HDAC4: variants seen among roughly 807,000 people sequenced by gnomAD.
HDAC4 encodes histone deacetylase 4.
Under a neutral mutation model 135.1 loss-of-function variants are expected in HDAC4, and 16 were observed. That is an observed-to-expected ratio of 0.12 (90% CI 0.08 to 0.18). The LOEUF (loss-of-function observed/expected upper bound fraction) is 0.18. Ranked by LOEUF, HDAC4 falls within the 10% of genes least tolerant of loss-of-function variation. HDAC4 has a pLI of 1.00. For synonymous variants in HDAC4, 685 were observed against 653.4 expected (o/e 1.05, Z -0.74); for missense variants, 1,143 against 1,511.8 (o/e 0.76, Z 4.05).
At chr2:239,207,006 G>A (rs1323346315) in intron 3 of HDAC4, among the ~76,000 whole-genome samples, 4 of 152,150 alleles carry the variant, frequency 2.6e-5, no homozygotes, top group Non-Finnish European at 5.9e-5. Context: ...GGATGGGAGG[G>A]AGGCCTAAAC....
chr2:239,254,169 G>A (rs1160250897), intron 2 of HDAC4, among the ~76,000 whole-genome samples: 1 of 152,080 alleles, frequency 6.6e-6, no homozygotes, highest in African/African-American at 2.4e-5. Flanking sequence ...GTAGCCCCAG[G>A]AAGACAAAGA....
In HDAC4 at chr2:239,240,839, A is replaced by G. The variant is rs2048136930; in HGVS notation, c.23-4175T>C. Reference sequence around the variant, plus strand: ...CGACAGGACCCAGCCTGAACTGAGCATTGTTTGAGACTCGGAGTCCGCCCA... The same window carrying G: ...CGACAGGACCCAGCCTGAACTGAGCGTTGTTTGAGACTCGGAGTCCGCCCA... On this transcript the variant is annotated intron_variant, in intron 2 of 26. Coordinates refer to ENST00000543185, the MANE Select transcript of HDAC4 (RefSeq NM_001378414.1). The surrounding 1 kb of genome is among the most constrained non-coding windows in gnomAD (Gnocchi z 4.5). Among the ~76,000 whole-genome samples the G allele has an allele frequency of 6.6e-6, 1 of 152,206 alleles. No homozygotes were observed. Among genetic ancestry groups the G allele is most frequent in the African/African-American group, 2.4e-5 (1 of 41,448 alleles).
chr2:239,320,382 C>CAAA (rs11343522), intron 2 of HDAC4, among the ~76,000 whole-genome samples: 2 of 61,268 alleles, frequency 3.3e-5, no homozygotes, highest in African/African-American at 1.4e-4. Context: ...GACTTCATCT[C>CAAA]AAAAAAAAAA....
chr2:239,068,405 T>C lies in HDAC4; in HGVS notation c.2869+84A>G, dbSNP rs2033801083. 1.0e-6 allele frequency: 1 copy of C among 1,002,784 alleles called. No individual in the cohort carries two copies. 62.1% of individuals were successfully genotyped at this position (1,002,784 alleles called of 1,614,324 possible). A position where few individuals can be genotyped will look rare whatever the true frequency, so the allele number is the denominator to read the frequency against. On this transcript the variant is annotated intron_variant, in intron 23 of 26. Transcript: ENST00000543185. This position sits in a 1 kb window ranked among gnomAD's most constrained non-coding sequence, Gnocchi z 4.4. ...AAGGTGCCCTTCCTTATCTCGTTAT[T>C]AAAAAGGGGACCTGACACGCGGAAC...
At chr2:239,194,120 G>C (rs1186976995) in intron 3 of HDAC4, among the ~76,000 whole-genome samples, 1 of 152,194 alleles carries the variant, frequency 6.6e-6, no homozygotes, top group Non-Finnish European at 1.5e-5. Flanking sequence ...TCATCATTGA[G>C]CGTGGAGGAG....
chr2:239,264,795 G>T (rs1559302036), intron 2 of HDAC4, among the ~76,000 whole-genome samples: 1 of 152,206 alleles, frequency 6.6e-6, no homozygotes, highest in South Asian at 2.1e-4. Context: ...CACTGTGCAG[G>T]GGGGACACCT....
At position 239,103,379 on chromosome 2, in the gene HDAC4, A is replaced by G. The variant is rs573832901; in HGVS notation, c.2113-483T>C. Reference sequence around the variant, plus strand: ...GGTCTGGCATCTGTCCTGGATGGCTAGCTGGCATCCGGCTGCGTCTCTCTG... The same window carrying G: ...GGTCTGGCATCTGTCCTGGATGGCTGGCTGGCATCCGGCTGCGTCTCTCTG... On this transcript the variant is annotated intron_variant, in intron 15 of 26. Coordinates refer to ENST00000543185, the MANE Select transcript of HDAC4 (RefSeq NM_001378414.1). 2.0e-5 allele frequency among the ~76,000 whole-genome samples: 3 copies of G among 152,308 alleles called. No homozygotes were observed. In the East Asian group the frequency reaches 5.8e-4, roughly 29 times the overall value.
At chr2:239,191,948 A>G (rs2044990665) in intron 3 of HDAC4, among the ~76,000 whole-genome samples, 1 of 152,186 alleles carries the variant, frequency 6.6e-6, no homozygotes, top group South Asian at 2.1e-4. Context: ...CCTCGTTGTT[A>G]TTGTTGTTTT....
intron 3 of HDAC4, among the ~76,000 whole-genome samples, chr2:239,211,883 C>T (rs529026612): frequency 2.9e-4 from 44 of 152,286 alleles, no homozygotes; most frequent in African/African-American, 8.4e-4. Context: ...AGTGGCACCA[C>T]GCGCCACCGA....
At chr2:239,089,449 TCCCAAGTAGCTGGG>T (rs2036289734) in intron 18 of HDAC4, among the ~76,000 whole-genome samples, 1 of 152,186 alleles carries the variant, frequency 6.6e-6, no homozygotes, top group East Asian at 1.9e-4. Context: ...AGCCTCAGCC[TCCCAAGTAGCTGGG>T]ATTATAGGCA....
chr2:239,377,925 C>A (rs11680658), intron 1 of HDAC4, among the ~76,000 whole-genome samples: 53,632 of 151,918 alleles, frequency 0.35, 10,970 homozygotes, highest in East Asian at 0.73. Flanking sequence ...TGGTTTTACA[C>A]CCACCTCAAG....
chr2:239,094,978 G>A (rs1284074576), intron 17 of HDAC4, 32 bp downstream of exon 17: 6 of 1,613,754 alleles, frequency 3.7e-6, no homozygotes, highest in East Asian at 2.2e-5. Context: ...AGAAGAAACA[G>A]GACATTATTT....
At chr2:239,164,008 G>A in intron 5 of HDAC4, 85 bp from the exon 6 acceptor site, 1 of 1,541,576 alleles carries the variant, frequency 6.5e-7, no homozygotes, top group Non-Finnish European at 8.9e-7. Flanking sequence ...ACAGAGGGAG[G>A]GAAGGGCTGG....
chr2:239,069,948 C>T (rs1012673168), intron 22 of HDAC4, among the ~76,000 whole-genome samples: 2 of 152,204 alleles, frequency 1.3e-5, no homozygotes, highest in African/African-American at 4.8e-5. Context: ...GCTCCCTGTC[C>T]CACTAACACC....
chr2:239,354,336 G>A (rs1017928050), intron 1 of HDAC4, among the ~76,000 whole-genome samples: 2 of 151,930 alleles, frequency 1.3e-5, no homozygotes, highest in African/African-American at 2.4e-5. Context: ...GGGAAGTGTC[G>A]GGCCAAAGAG....
At chr2:239,215,125 G>C (rs944116510) in intron 3 of HDAC4, among the ~76,000 whole-genome samples, 1 of 152,246 alleles carries the variant, frequency 6.6e-6, no homozygotes, top group Non-Finnish European at 1.5e-5. Context: ...ATATCACCAA[G>C]GGAATGACTC....
intron 3 of HDAC4, among the ~76,000 whole-genome samples, chr2:239,214,435 C>T (rs1219032028): frequency 1.3e-5 from 2 of 152,210 alleles, no homozygotes; most frequent in Non-Finnish European, 2.9e-5. Flanking sequence ...CTGCAGAGCT[C>T]CTTTGGCCGG....
At chr2:239,228,748 G>A (rs1212806679) in intron 3 of HDAC4, among the ~76,000 whole-genome samples, 1 of 152,128 alleles carries the variant, frequency 6.6e-6, no homozygotes, top group Non-Finnish European at 1.5e-5. Flanking sequence ...AGCCATCGAA[G>A]GGGAATTGGA....
chr2:239,261,230 G>A (rs1039523288), intron 2 of HDAC4, among the ~76,000 whole-genome samples: 1 of 152,176 alleles, frequency 6.6e-6, no homozygotes, highest in African/African-American at 2.4e-5. Flanking sequence ...GAAACGTGCA[G>A]GTGAGACAGG....
Sources: gnomAD v4.1 joint callset for allele counts (sites outside exome capture counted in the v4.1 genomes callset) on GRCh38, gnomAD v4.1.1 for gene constraint, Gnocchi (gnomAD v3.1) non-coding constraint, MANE v1.5 for transcripts, NCBI Gene and HGNC (gene_info 2026-07-23, HGNC 2026-07-21) for gene names.